Variants in AFAP1 observed in about 807,000 individuals in gnomAD.
AFAP1 encodes actin filament-associated protein 1.
A neutral mutation model predicts 93.9 loss-of-function variants in AFAP1; 75 were observed. The ratio of observed to expected loss-of-function variants is 0.80; its 90% CI spans 0.66 to 0.97. AFAP1 has a LOEUF of 0.97. Among genes scored for constraint, AFAP1 ranks in the 50% least tolerant of loss-of-function variants. The probability of loss-of-function intolerance (pLI) is 0.00; values close to 1 mark genes in which losing one functional copy is unlikely to be tolerated. For missense variants in AFAP1, 1,201 were observed against 1,050.8 expected, an observed-to-expected ratio of 1.14 and a Z score of -1.98; for synonymous variants, 517 against 430.7, an observed-to-expected ratio of 1.20 and a Z score of -2.48.
chr4:7,832,437 G>A (rs550810092), intron 6 of AFAP1, among the ~76,000 whole-genome samples: 133 of 152,168 alleles, frequency 8.7e-4, no homozygotes, highest in Non-Finnish European at 1.6e-3. Flanking sequence ...GGATGACAGC[G>A]AAAGAGACTG....
intron 8 of AFAP1, among the ~76,000 whole-genome samples, chr4:7,812,092 A>G (rs1203230740): frequency 3.9e-5 from 6 of 152,108 alleles, no homozygotes; most frequent in Admixed American, 3.3e-4. Flanking sequence ...TATCACTTCA[A>G]TGTTACTTCA....
At chr4:7,765,432 C>T (rs535319158) in intron 17 of AFAP1, among the ~76,000 whole-genome samples, 45 of 152,214 alleles carry the variant, frequency 3.0e-4, no homozygotes, top group Non-Finnish European at 5.1e-4. Context: ...TTTCAACAAG[C>T]CATGTCACAG....
In AFAP1 at chr4:7,793,732, A is replaced by C. The variant is rs546631099; in HGVS notation, c.1361T>G (p.Ile454Ser). Residue 454 changes from isoleucine to serine, a missense_variant, in exon 11 of 18, where the codon ATT becomes AGT. Coordinates refer to ENST00000420658, the MANE Select transcript of AFAP1 (RefSeq NM_001134647.2). The part of the protein sequence containing the change: ...TDPEALHYDY[I>S]DVEMSASVIQ... Reference sequence around the variant, plus strand: ...GACACTTGCAGACATCTCCACATCAATGTAGTCATAGTGCAGAGCCTCCGG... The same window carrying C: ...GACACTTGCAGACATCTCCACATCACTGTAGTCATAGTGCAGAGCCTCCGG... 3.8e-6 allele frequency: 6 copies of C among 1,579,604 alleles called. No individual in the cohort carries two copies. The highest frequency in any genetic ancestry group is 5.2e-6 in the Non-Finnish European group (6 of 1,153,302).
intron 1 of AFAP1, among the ~76,000 whole-genome samples, chr4:7,905,556 A>G (rs1327493204): frequency 6.6e-6 from 1 of 152,240 alleles, no homozygotes; most frequent in Non-Finnish European, 1.5e-5. Flanking sequence ...CAACTTTTCT[A>G]AAAAGATTTC....
chr4:7,866,693 T>C (rs1368180169), intron 3 of AFAP1, among the ~76,000 whole-genome samples: 1 of 152,128 alleles, frequency 6.6e-6, no homozygotes, highest in East Asian at 1.9e-4. Flanking sequence ...CTTCATCTTT[T>C]AAAATAACAA....
intron 1 of AFAP1, among the ~76,000 whole-genome samples, chr4:7,917,809 T>C (rs1720168139): frequency 6.6e-6 from 1 of 152,194 alleles, no homozygotes; most frequent in Non-Finnish European, 1.5e-5. Flanking sequence ...GGCTATTAGC[T>C]TTCCTCCTGC....
At position 7,872,341 on chromosome 4, in the gene AFAP1, T is replaced by A. The variant is rs1355794636; in HGVS notation, c.-2-261A>T. ...GCTCCAAAGCCAGGCTGCCAACAGA[T>A]GGTGTGACAACCCAAAGGCCTGACG... is the stretch of plus-strand genomic sequence containing the variant. On this transcript the variant is annotated intron_variant, in intron 1 of 17. Coordinates refer to ENST00000420658, the MANE Select transcript of AFAP1 (RefSeq NM_001134647.2). 14 of 394,020 alleles carry A rather than the reference T, an allele frequency of 3.6e-5. No individual in the cohort carries two copies. The East Asian group carries it at 6.1e-4, about 17-fold the overall frequency. The allele number at this position is 394,020 out of a possible 1,614,324, so 24.4% of individuals were successfully genotyped here.
intron 3 of AFAP1, among the ~76,000 whole-genome samples, chr4:7,856,765 G>C (rs1035075844): frequency 5.3e-5 from 8 of 152,142 alleles, no homozygotes; most frequent in Non-Finnish European, 1.0e-4. Flanking sequence ...TTGCTGGTGT[G>C]TCTCTCACTG....
Position 7,763,802 on chromosome 4 carries a change from GGA to G in AFAP1, c.2419-13_2419-12del. The G allele has an allele frequency of 6.4e-7, 1 of 1,551,584 alleles. No homozygotes were observed. Among genetic ancestry groups the G allele is most frequent in the Non-Finnish European group, 8.7e-7 (1 of 1,146,848 alleles). ...CTTCAATTCCCATTCCTAGAGGAAA[GGA>G]GAGTCTTGTAAGTGGACAGGGCAAG... On this transcript the variant is annotated splice_polypyrimidine_tract_variant and intron_variant, in intron 17 of 17. Coordinates refer to ENST00000420658, the MANE Select transcript of AFAP1 (RefSeq NM_001134647.2).
chr4:7,842,301 C>CAAAAAAAAAAA (rs57050150), intron 5 of AFAP1, among the ~76,000 whole-genome samples: 140 of 94,814 alleles, frequency 1.5e-3, no homozygotes, highest in Middle Eastern at 7.2e-3. Flanking sequence ...CCTGGATTTA[C>CAAAAAAAAAAA]AAAAAAAAAA....
At chr4:7,793,991 G>A (rs921425411) in intron 10 of AFAP1, among the ~76,000 whole-genome samples, 165 bp from the exon 11 acceptor site, 2 of 152,198 alleles carry the variant, frequency 1.3e-5, no homozygotes, top group African/African-American at 2.4e-5. Flanking sequence ...CGTCACGTTC[G>A]CAGCAGGCCT....
intron 1 of AFAP1, among the ~76,000 whole-genome samples, chr4:7,891,553 G>C (rs746708448): frequency 2.0e-4 from 31 of 152,060 alleles, no homozygotes; most frequent in Non-Finnish European, 3.2e-4. Context: ...AGCATATTAA[G>C]AGCTAATTCT....
intron 8 of AFAP1, among the ~76,000 whole-genome samples, chr4:7,814,749 T>TAGAGGC (rs1352377094): frequency 1.3e-5 from 2 of 151,946 alleles, no homozygotes; most frequent in South Asian, 2.1e-4. Flanking sequence ...GGGCCTCGGG[T>TAGAGGC]AGAGGCAGAG....
intron 6 of AFAP1, among the ~76,000 whole-genome samples, chr4:7,823,905 T>C (rs1323900035): frequency 1.3e-5 from 2 of 152,216 alleles, no homozygotes; most frequent in Non-Finnish European, 2.9e-5. Flanking sequence ...TGGGACTCTC[T>C]TCCCCCAGGC....
intron 8 of AFAP1, among the ~76,000 whole-genome samples, chr4:7,810,807 A>G (rs1719952383): frequency 1.3e-5 from 2 of 152,208 alleles, no homozygotes; most frequent in Non-Finnish European, 2.9e-5. Context: ...GTGAGGGACA[A>G]CACGGGGCGG....
At chr4:7,770,832 A>T (rs1178230092) in intron 16 of AFAP1, among the ~76,000 whole-genome samples, 2 of 152,180 alleles carry the variant, frequency 1.3e-5, no homozygotes. Context: ...AAAGACAAGC[A>T]GCGTGGGGGA....
At chr4:7,872,978 G>A (rs28679373) in intron 1 of AFAP1, among the ~76,000 whole-genome samples, 12,619 of 146,418 alleles carry the variant, frequency 0.086, 1,121 homozygotes, top group East Asian at 0.5. Flanking sequence ...GGCTGGGCGC[G>A]GTGGCTCACG....
intron 1 of AFAP1, among the ~76,000 whole-genome samples, chr4:7,914,211 C>T (rs563374147): frequency 9.2e-5 from 14 of 152,214 alleles, no homozygotes; most frequent in East Asian, 1.9e-4. Context: ...CCCACCACCA[C>T]GCCCAGCTAA....
chr4:7,829,734 CAGG>C (rs1006041404), intron 6 of AFAP1, among the ~76,000 whole-genome samples: 43 of 152,248 alleles, frequency 2.8e-4, no homozygotes, highest in African/African-American at 9.6e-4. Flanking sequence ...GGCAAGGCTA[CAGG>C]AAGAAAAGGC....
Sources: gnomAD v4.1 joint callset for allele counts (sites outside exome capture counted in the v4.1 genomes callset) on GRCh38, gnomAD v4.1.1 for gene constraint, MANE v1.5 for transcripts, NCBI Gene and HGNC (gene_info 2026-07-23, HGNC 2026-07-21) for gene names.